Variants in MKRN1 observed in about 807,000 individuals in gnomAD.
MKRN1 encodes makorin ring finger protein 1.
Under a neutral mutation model 55.5 loss-of-function variants are expected in MKRN1, and 9 were observed. The observed-to-expected ratio is 0.16, with a 90% CI of 0.10 to 0.28. The LOEUF (loss-of-function observed/expected upper bound fraction) is 0.28, where lower values mean the gene tolerates loss of function less well. Ranked by LOEUF, MKRN1 falls within the 10% of genes least tolerant of loss-of-function variation. The pLI, the probability that MKRN1 is intolerant of heterozygous loss-of-function variation, is 1.00. For synonymous variants in MKRN1, 253 were observed against 235.9 expected, an observed-to-expected ratio of 1.07 and a Z score of -0.66; for missense variants, 488 against 626.7, an observed-to-expected ratio of 0.78 and a Z score of 2.36.
intron 1 of MKRN1, among the ~76,000 whole-genome samples, chr7:140,476,229 G>A (rs569669438): frequency 1.1e-4 from 16 of 152,114 alleles, no homozygotes; most frequent in Non-Finnish European, 2.1e-4. Context: ...TTATAATACA[G>A]TACATACATC....
At chr7:140,473,550 T>A (rs1324746507) in intron 1 of MKRN1, among the ~76,000 whole-genome samples, 1 of 152,220 alleles carries the variant, frequency 6.6e-6, no homozygotes, top group African/African-American at 2.4e-5. Flanking sequence ...AATCAATTCA[T>A]CTGCAGTGAC....
chr7:140,459,989 G>T, intron 2 of MKRN1, 53 bp from the exon 3 acceptor site: 1 of 1,481,122 alleles, frequency 6.8e-7, no homozygotes, highest in Non-Finnish European at 9.4e-7. Context: ...GCTCAAGCCT[G>T]TAATCCCAAC....
At chr7:140,463,830 A>G (rs1240096601) in intron 2 of MKRN1, among the ~76,000 whole-genome samples, 1 of 152,090 alleles carries the variant, frequency 6.6e-6, no homozygotes, top group Non-Finnish European at 1.5e-5. Flanking sequence ...GCTTCCAGTG[A>G]GAGAGCTGAG....
intron 1 of MKRN1, 145 bp downstream of exon 1, chr7:140,479,015 G>T (rs1395090204): frequency 8.7e-6 from 9 of 1,031,074 alleles, no homozygotes; most frequent in Non-Finnish European, 1.1e-5. Context: ...AGCGGGGGCC[G>T]CGAGGGCTGC....
rs775395309 is a variant in MKRN1 at position 140,455,281 on chromosome 7, T to C, written c.1098-48A>G. 1.8e-5 allele frequency: 29 copies of C among 1,608,302 alleles called. No individual in the cohort carries two copies. In the East Asian group the frequency reaches 6.0e-4, roughly 33 times the overall value. On this transcript the variant is annotated intron_variant, in intron 6 of 7. Coordinates refer to ENST00000255977, the MANE Select transcript of MKRN1 (RefSeq NM_013446.4). ...CCTTATTCACAGTGGATTTCAGGTC[T>C]GTATTTGACTATCATCCGGGGTTTC...
At chr7:140,464,429 C>G (rs1028459454) in intron 2 of MKRN1, among the ~76,000 whole-genome samples, 1 of 151,812 alleles carries the variant, frequency 6.6e-6, no homozygotes, top group Non-Finnish European at 1.5e-5. Flanking sequence ...ATAAGCCAGG[C>G]ACGGTGGCTC....
intron 5 of MKRN1, 110 bp downstream of exon 5, chr7:140,456,542 A>G (rs1794471332): frequency 2.0e-6 from 3 of 1,483,384 alleles, no homozygotes; most frequent in Admixed American, 4.8e-5. Flanking sequence ...CCCAGTTTCA[A>G]GATAAAATGC....
rs1164506273 is a variant in MKRN1 at position 140,454,624 on chromosome 7, A to G, written c.1342T>C (p.Leu448=). ...CCACCTGCAGCCAAAAGCATAAGCA[A>G]CATCTCGCCCAGCTCAAAGGTGACA... ...EVVTFELGEM[L]LMLLAAGGDD... The change falls in exon 8 of 8, where the codon TTG becomes CTG. Residue 448 remains leucine (L), a synonymous_variant. Coordinates refer to ENST00000255977, the MANE Select transcript of MKRN1 (RefSeq NM_013446.4). 2 of 1,613,842 alleles carry G rather than the reference A, an allele frequency of 1.2e-6. No individual in the cohort carries two copies. Among genetic ancestry groups the G allele is most frequent in the African/African-American group, 1.3e-5 (1 of 74,928 alleles).
At chr7:140,460,015 G>C (rs1449970396) in intron 2 of MKRN1, 79 bp from the exon 3 acceptor site, 2 of 1,218,078 alleles carry the variant, frequency 1.6e-6, no homozygotes, top group Non-Finnish European at 2.4e-6. Context: ...GGGAAGCTGA[G>C]GTGGGTGGAT....
At chr7:140,466,320 C>T (rs1794763840) in intron 2 of MKRN1, among the ~76,000 whole-genome samples, 1 of 152,144 alleles carries the variant, frequency 6.6e-6, no homozygotes, top group Admixed American at 6.6e-5. Context: ...TCAATTCTGG[C>T]TCATCCTCTA....
At chr7:140,474,425 C>G (rs1335583783) in intron 1 of MKRN1, 8 of 369,258 alleles carry the variant, frequency 2.2e-5, no homozygotes, top group Non-Finnish European at 4.5e-5. Flanking sequence ...ATTGCTTGAA[C>G]TCGCAGTGGG....
At chr7:140,478,255 C>T (rs907414517) in intron 1 of MKRN1, 2 of 152,172 alleles carry the variant, frequency 1.3e-5, no homozygotes, top group African/African-American at 4.8e-5. Context: ...AAATAAAAAA[C>T]GTACAATTAA....
intron 1 of MKRN1, among the ~76,000 whole-genome samples, chr7:140,474,065 G>GAAAGAAAGAAAGAAAA (rs1048242237): frequency 7.2e-6 from 1 of 139,360 alleles, no homozygotes; most frequent in Non-Finnish European, 1.6e-5. Flanking sequence ...AAGAAAGAAA[G>GAAAGAAAGAAAGAAAA]AATAAAAGAC....
At chr7:140,455,989 T>C (rs1794455536) in intron 5 of MKRN1, 89 bp from the exon 6 acceptor site, 1 of 1,224,394 alleles carries the variant, frequency 8.2e-7, no homozygotes, top group Non-Finnish European at 1.2e-6. Flanking sequence ...CCTCCAGACT[T>C]AAAGACTTAA....
At chr7:140,477,823 G>A (rs1466501156) in intron 1 of MKRN1, among the ~76,000 whole-genome samples, 1 of 152,206 alleles carries the variant, frequency 6.6e-6, no homozygotes, top group Non-Finnish European at 1.5e-5. Flanking sequence ...ATCAACTGTA[G>A]CATTGTAAAA....
chr7:140,459,451 T>C (rs1170466647), intron 3 of MKRN1, among the ~76,000 whole-genome samples: 2 of 152,198 alleles, frequency 1.3e-5, no homozygotes, highest in Non-Finnish European at 2.9e-5. Flanking sequence ...TTTATCTATG[T>C]CTTGGGTAAC....
chr7:140,474,029 G>GAAAGAAAGAAAGAAAGA (rs1563096989), intron 1 of MKRN1, among the ~76,000 whole-genome samples: 2 of 46,470 alleles, frequency 4.3e-5, no homozygotes, highest in African/African-American at 2.5e-4. Context: ...AAGAAAGAAA[G>GAAAGAAAGAAAGAAAGA]AAAGAAAGAA....
chr7:140,459,521 A>G (rs541668641), intron 3 of MKRN1, among the ~76,000 whole-genome samples, 186 bp downstream of exon 3: 2 of 152,320 alleles, frequency 1.3e-5, no homozygotes, highest in Admixed American at 1.3e-4. Context: ...TTCTGAATTC[A>G]TTTCACTGGG....
intron 2 of MKRN1, among the ~76,000 whole-genome samples, chr7:140,469,770 G>A (rs1794869683): frequency 6.6e-6 from 1 of 151,870 alleles, no homozygotes; most frequent in South Asian, 2.1e-4. Flanking sequence ...AAAGTTAGTG[G>A]GGTGTGGGCC....
Sources: gnomAD v4.1 joint callset for allele counts (sites outside exome capture counted in the v4.1 genomes callset) on GRCh38, gnomAD v4.1.1 for gene constraint, MANE v1.5 for transcripts, NCBI Gene and HGNC (gene_info 2026-07-23, HGNC 2026-07-21) for gene names.